ZNF462: variants seen among roughly 807,000 people sequenced by gnomAD.
ZNF462 encodes the protein zinc finger PBX1-interacting protein.
ZNF462 carries 10 observed loss-of-function variants against 201.9 expected under a neutral mutation model. That is an observed-to-expected ratio of 0.05 (90% CI 0.03 to 0.08). ZNF462 has a LOEUF of 0.08. Ranked by LOEUF, ZNF462 falls within the 10% of genes least tolerant of loss-of-function variation. ZNF462 has a pLI of 1.00. For synonymous variants in ZNF462, 1,227 were observed against 1,193.3 expected (o/e 1.03, Z -0.58); for missense variants, 2,523 against 3,168.3 (o/e 0.80, Z 4.89).
chr9:106,875,623 G>C (rs1374712186), intron 1 of ZNF462, among the ~76,000 whole-genome samples: 3 of 152,062 alleles, frequency 2.0e-5, no homozygotes, highest in Non-Finnish European at 4.4e-5. Flanking sequence ...GTATAAAAAA[G>C]AACGTGTCAT....
At chr9:106,863,453 C>T (rs1478004440) in intron 1 of ZNF462, 98 bp downstream of exon 1, 1 of 361,560 alleles carries the variant, frequency 2.8e-6, no homozygotes, top group African/African-American at 2.1e-5. Context: ...ATTCATTCGG[C>T]CAAGGAGGGT....
At chr9:106,907,853 C>G (rs1829337044) in intron 1 of ZNF462, among the ~76,000 whole-genome samples, 1 of 151,976 alleles carries the variant, frequency 6.6e-6, no homozygotes, top group Middle Eastern at 3.4e-3. Flanking sequence ...TTTCATAGAT[C>G]TGTGAAATTT....
Position 106,880,745 on chromosome 9 carries a change from A to G in ZNF462, c.-31+17390A>G, listed in dbSNP as rs1356734639. 6.6e-6 allele frequency among the ~76,000 whole-genome samples: 1 copy of G among 152,186 alleles called. No individual in the cohort carries two copies. On this transcript the variant is annotated intron_variant, in intron 1 of 12. Coordinates refer to ENST00000277225, the MANE Select transcript of ZNF462 (RefSeq NM_021224.6). The surrounding 1 kb of genome is among the most constrained non-coding windows in gnomAD (Gnocchi z 4.1). Reference sequence around the variant, plus strand: ...GAACTTCAGTATAAGGGAAAAGTAAAACATTTTGGTTCCTTTGTGAATTAA... The same window carrying G: ...GAACTTCAGTATAAGGGAAAAGTAAGACATTTTGGTTCCTTTGTGAATTAA...
Position 106,902,434 on chromosome 9 carries a change from T to C in ZNF462, c.-30-20920T>C, listed in dbSNP as rs1245751205. Among the ~76,000 whole-genome samples, 3 of 152,166 alleles carry C rather than the reference T, an allele frequency of 2.0e-5. No individual in the cohort carries two copies. Among genetic ancestry groups the C allele is most frequent in the Non-Finnish European group, 2.9e-5 (2 of 68,020 alleles). On this transcript the variant is annotated intron_variant, in intron 1 of 12. Coordinates refer to ENST00000277225, the MANE Select transcript of ZNF462 (RefSeq NM_021224.6). This position sits in a 1 kb window ranked among gnomAD's most constrained non-coding sequence, Gnocchi z 4.2. Reference sequence around the variant, plus strand: ...TGGTATTAGAGTGCTGCTGGATTCATAGAATGAATTAGGGAGGGTTCTCTC... The same window carrying C: ...TGGTATTAGAGTGCTGCTGGATTCACAGAATGAATTAGGGAGGGTTCTCTC...
At position 106,867,438 on chromosome 9, in the gene ZNF462, TA is replaced by T. The variant is rs368884132; in HGVS notation, c.-31+4090del. 2.3e-3 allele frequency among the ~76,000 whole-genome samples: 355 copies of T among 152,228 alleles called. 7 individuals carry two copies. In the South Asian group the frequency reaches 0.043, roughly 19 times the overall value. ...TTGCGAGCTATGATGCATCCTGCCA[TA>T]AAAAAATTCTTGTTGGATCCTCACA... On this transcript the variant is annotated intron_variant, in intron 1 of 12. Transcript: ENST00000277225.
intron 1 of ZNF462, among the ~76,000 whole-genome samples, chr9:106,874,571 A>G (rs991258035): frequency 6.6e-6 from 1 of 152,190 alleles, no homozygotes; most frequent in African/African-American, 2.4e-5. Flanking sequence ...GGAATCATTC[A>G]TTCTCTTGAA....
At position 107,012,439 on chromosome 9, in the gene ZNF462, C is replaced by CTTTTTTTTT. The variant is rs962253808; in HGVS notation, c.*1426_*1434dup. Reference sequence around the variant, plus strand: ...GCCTGGAGAACTACTTTCTTTCTTTCTTTTTTTTTTTTTTTTTTTTTTTTT... The same window carrying CTTTTTTTTT: ...GCCTGGAGAACTACTTTCTTTCTTTCTTTTTTTTTTTTTTTTTTTTTTTTTTTTTTTTTT... On this transcript the variant is annotated 3_prime_UTR_variant, in exon 13 of 13. Transcript: ENST00000277225. 219 of 86,156 alleles carry CTTTTTTTTT rather than the reference C, an allele frequency of 2.5e-3. 2 individuals are homozygous for CTTTTTTTTT. Among genetic ancestry groups the CTTTTTTTTT allele is most frequent in the African/African-American group, 4.5e-3 (105 of 23,462 alleles). The allele number at this position is 86,156 out of a possible 1,614,324, so 5.3% of individuals were successfully genotyped here.
chr9:106,878,631 T>C (rs1416397527), intron 1 of ZNF462, among the ~76,000 whole-genome samples: 4 of 152,134 alleles, frequency 2.6e-5, no homozygotes, highest in African/African-American at 9.7e-5. Context: ...GTTTTGGTAA[T>C]TGAGTGATTA....
intron 10 of ZNF462, among the ~76,000 whole-genome samples, chr9:106,991,839 T>TCTACACACACACACACAC (rs941555040): frequency 1.5e-4 from 20 of 136,346 alleles, no homozygotes; most frequent in African/African-American, 5.7e-4. Flanking sequence ...CAGCACTCTC[T>TCTACACACACACACACAC]ACACACACAC....
intron 7 of ZNF462, among the ~76,000 whole-genome samples, chr9:106,955,117 G>A (rs1831517888): frequency 6.6e-6 from 1 of 152,110 alleles, no homozygotes; most frequent in African/African-American, 2.4e-5. Flanking sequence ...ATCTTAGTGT[G>A]TGTTGCTGTA....
At chr9:106,997,036 GT>G (rs1411145117) in intron 10 of ZNF462, among the ~76,000 whole-genome samples, 1 of 152,064 alleles carries the variant, frequency 6.6e-6, no homozygotes, top group East Asian at 1.9e-4. Flanking sequence ...AACAAATATA[GT>G]TTCATGGCTC....
intron 1 of ZNF462, among the ~76,000 whole-genome samples, chr9:106,864,162 T>C (rs1167391576): frequency 7.0e-6 from 1 of 143,034 alleles, no homozygotes; most frequent in Admixed American, 7.1e-5. Context: ...GGGTGGCTGC[T>C]GCAGCTGCTG....
In ZNF462 at chr9:106,977,437, G is replaced by A. The variant is rs550918373; in HGVS notation, c.6832+3164G>A. Among the ~76,000 whole-genome samples, 1 of 151,700 alleles carries A rather than the reference G, an allele frequency of 6.6e-6. No homozygotes were observed. The highest frequency in any genetic ancestry group is 2.4e-5 in the African/African-American group (1 of 40,990). On this transcript the variant is annotated intron_variant, in intron 9 of 12. Coordinates refer to ENST00000277225, the MANE Select transcript of ZNF462 (RefSeq NM_021224.6). The surrounding 1 kb of genome is among the most constrained non-coding windows in gnomAD (Gnocchi z 4.6). The stretch of plus-strand genomic sequence containing the variant: ...TGCTGGCAGAAATAGAGTTTCCATT[G>A]CTTTTTGTCTGTATAAATTGATATA...
At chr9:106,915,484 A>T (rs1267700495) in intron 1 of ZNF462, among the ~76,000 whole-genome samples, 1 of 152,222 alleles carries the variant, frequency 6.6e-6, no homozygotes, top group Non-Finnish European at 1.5e-5. Flanking sequence ...GAAATTTCTT[A>T]GCTTTCATTT....
At chr9:106,907,569 TCTTATA>T (rs1397074751) in intron 1 of ZNF462, among the ~76,000 whole-genome samples, 1 of 152,040 alleles carries the variant, frequency 6.6e-6, no homozygotes, top group Middle Eastern at 3.2e-3. Context: ...AGTGTCTACT[TCTTATA>T]CTTATTTTCT....
rs147515193 is a variant in ZNF462 at position 106,865,792 on chromosome 9, T to C, written c.-31+2437T>C. ...TTAATTGGGAGGAATTTATTAATCA[T>C]GTAGGAAGACATTTTGTGAGGATAA... is the stretch of plus-strand genomic sequence containing the variant. On this transcript the variant is annotated intron_variant, in intron 1 of 12. Transcript: ENST00000277225. The surrounding 1 kb of genome is among the most constrained non-coding windows in gnomAD (Gnocchi z 4.1). Among the ~76,000 whole-genome samples the C allele has an allele frequency of 1.2e-4, 18 of 152,312 alleles. No homozygotes were observed. The highest frequency in any genetic ancestry group is 3.9e-4 in the East Asian group (2 of 5,188).
At chr9:106,945,620 A>T (rs1831071846) in intron 7 of ZNF462, among the ~76,000 whole-genome samples, 1 of 152,220 alleles carries the variant, frequency 6.6e-6, no homozygotes, top group African/African-American at 2.4e-5. Context: ...TAATGGCTTG[A>T]CTATAATTTT....
chr9:106,992,117 A>G (rs1460592320), intron 10 of ZNF462, among the ~76,000 whole-genome samples: 1 of 152,092 alleles, frequency 6.6e-6, no homozygotes, highest in Non-Finnish European at 1.5e-5. Context: ...TAACCAAAAT[A>G]TTTAAAGAAA....
rs746293040 is a variant in ZNF462 at position 106,926,566 on chromosome 9, T to C, written c.2654T>C (p.Val885Ala). 1.9e-6 allele frequency: 3 copies of C among 1,614,106 alleles called. No homozygotes were observed. The highest frequency in any genetic ancestry group is 2.5e-6 in the Non-Finnish European group (3 of 1,180,014). ...TTGGACCCCAATGATCACAGTGCAG[T>C]GTACAGGTGCCTGGAATGCTACATC... ...YILDPNDHSA[V>A]YRCLECYIDY... is the part of the protein sequence containing the mutation. The change falls in exon 3 of 13, where the codon GTG (valine) becomes GCG (alanine). Residue 885 changes from valine to alanine, a missense_variant. By Grantham distance (64) the Val-to-Ala change is moderately conservative. Around this residue, in one of 15 missense-constraint regions of ZNF462, gnomAD observed 280 missense variants for 321.3 expected, o/e 0.87. Transcript: ENST00000277225. The surrounding 1 kb of genome is among the most constrained non-coding windows in gnomAD (Gnocchi z 7.9).
Sources: allele counts gnomAD v4.1 joint callset (sites outside exome capture counted in the v4.1 genomes callset), GRCh38; gene constraint gnomAD v4.1.1; regional missense constraint gnomAD v4.1.1; non-coding constraint Gnocchi (gnomAD v3.1); transcripts MANE v1.5; gene names NCBI Gene and HGNC (gene_info 2026-07-23, HGNC 2026-07-21).